Variants in KLF12 observed in about 807,000 individuals in gnomAD.
KLF12 encodes KLF transcription factor 12, also known as Krueppel-like factor 12.
In KLF12, 9 loss-of-function variants were observed where a neutral mutation model predicts 37.8. That is an observed-to-expected ratio of 0.24 (90% CI 0.14 to 0.42). The LOEUF (loss-of-function observed/expected upper bound fraction) is 0.42, where lower values mean the gene tolerates loss of function less well. Among genes scored for constraint, KLF12 ranks in the 10% least tolerant of loss-of-function variants. KLF12 has a pLI of 1.00. For missense variants in KLF12, 411 were observed against 516.0 expected (o/e 0.80, Z 1.97); for synonymous variants, 208 against 202.1 (o/e 1.03, Z -0.25).
At chr13:74,028,832 A>G (rs1893041233) in intron 1 of KLF12, among the ~76,000 whole-genome samples, 1 of 13,106 alleles carries the variant, frequency 7.6e-5, no homozygotes, top group African/African-American at 1.7e-4. Flanking sequence ...AAGAGAAAGA[A>G]TTTTCAATTT....
intron 5 of KLF12, among the ~76,000 whole-genome samples, chr13:73,775,947 AT>A (rs1880582227): frequency 6.6e-6 from 1 of 152,194 alleles, no homozygotes; most frequent in Non-Finnish European, 1.5e-5. Context: ...TTTCCTTTGA[AT>A]AGAACAAAAT....
intron 3 of KLF12, among the ~76,000 whole-genome samples, chr13:73,894,228 G>T (rs1214389905): frequency 6.6e-6 from 1 of 152,182 alleles, no homozygotes; most frequent in East Asian, 1.9e-4. Flanking sequence ...CTTCAGTAAT[G>T]ATTAGCATTT....
chr13:74,097,598 C>G (rs767350453), intron 1 of KLF12, among the ~76,000 whole-genome samples: 2 of 152,112 alleles, frequency 1.3e-5, no homozygotes, highest in Non-Finnish European at 2.9e-5. Context: ...TTACCAAATT[C>G]AGACACTGGA....
intron 3 of KLF12, among the ~76,000 whole-genome samples, chr13:73,900,597 T>C (rs971220962): frequency 2.0e-5 from 3 of 151,930 alleles, no homozygotes; most frequent in Admixed American, 6.6e-5. Flanking sequence ...ATTAAGTACA[T>C]AGAATAACTG....
At chr13:73,828,610 AAT>A (rs1476343984) in intron 4 of KLF12, among the ~76,000 whole-genome samples, 1 of 152,122 alleles carries the variant, frequency 6.6e-6, no homozygotes, top group African/African-American at 2.4e-5. Context: ...GGCTTCCTGA[AAT>A]AGTCTCCCTC....
chr13:74,104,694 AC>A (rs1354038041), intron 1 of KLF12, among the ~76,000 whole-genome samples: 8 of 152,230 alleles, frequency 5.3e-5, no homozygotes. Context: ...TCATAAATAT[AC>A]ATATAGTGCT....
the KLF12 span, among the ~76,000 whole-genome samples, chr13:74,226,495 G>A: frequency 3.3e-5 from 5 of 152,070 alleles, no homozygotes; most frequent in East Asian, 5.8e-4. Context: ...CCCATTAGGC[G>A]GTACAAAATA....
At chr13:74,142,429 A>G in the KLF12 span, among the ~76,000 whole-genome samples, 3 of 152,214 alleles carry the variant, frequency 2.0e-5, no homozygotes, top group African/African-American at 7.2e-5. Flanking sequence ...TTGCCACTTG[A>G]TTCTGTGACC....
intron 3 of KLF12, among the ~76,000 whole-genome samples, chr13:73,851,515 G>A (rs1003481242): frequency 6.6e-6 from 1 of 152,046 alleles, no homozygotes; most frequent in Non-Finnish European, 1.5e-5. Context: ...TTAACTGACT[G>A]GCCTGATTTC....
chr13:74,229,495 C>T, the KLF12 span, among the ~76,000 whole-genome samples: 13 of 152,210 alleles, frequency 8.5e-5, no homozygotes, highest in South Asian at 1.7e-3. Context: ...GCTCTGGTGA[C>T]GGTGATGCAT....
intron 5 of KLF12, among the ~76,000 whole-genome samples, chr13:73,766,318 G>T (rs968239976): frequency 6.6e-6 from 1 of 152,158 alleles, no homozygotes; most frequent in Non-Finnish European, 1.5e-5. Flanking sequence ...AGCCAAACTG[G>T]GGCCTAGTGG....
Position 73,692,862 on chromosome 13 carries a change from A to G in KLF12, c.*2628T>C, listed in dbSNP as rs1873894914. ...GACAGGTTTTATCAGTTAACTTACC[A>G]TCTCAGTCTGGTTTCCACTTTCAGA... On this transcript the variant is annotated 3_prime_UTR_variant, in exon 8 of 8. Coordinates refer to ENST00000377669, the MANE Select transcript of KLF12 (RefSeq NM_007249.5). 6.6e-6 allele frequency: 1 copy of G among 152,586 alleles called. No individual in the cohort carries two copies. Among genetic ancestry groups the G allele is most frequent in the African/African-American group, 2.4e-5 (1 of 41,448 alleles). The allele number at this position is 152,586 out of a possible 1,614,324, so 9.5% of individuals were successfully genotyped here.
At chr13:74,287,781 C>T in the KLF12 span, among the ~76,000 whole-genome samples, 7 of 152,184 alleles carry the variant, frequency 4.6e-5, no homozygotes, top group Non-Finnish European at 1.0e-4. Flanking sequence ...TCCAATTGCA[C>T]AATTTCTTTC....
At chr13:74,281,099 AT>A in the KLF12 span, among the ~76,000 whole-genome samples, 1 of 151,720 alleles carries the variant, frequency 6.6e-6, no homozygotes, top group Admixed American at 6.6e-5. Flanking sequence ...TTTTCTGCAC[AT>A]TTTTCTTTCA....
chr13:73,795,829 T>C (rs1301497251), intron 5 of KLF12, among the ~76,000 whole-genome samples: 3 of 152,152 alleles, frequency 2.0e-5, no homozygotes, highest in Non-Finnish European at 4.4e-5. Context: ...TTACAAGTAT[T>C]TATTCATAAA....
intron 2 of KLF12, among the ~76,000 whole-genome samples, chr13:73,991,339 G>A (rs1321001868): frequency 1.3e-5 from 2 of 152,268 alleles, no homozygotes; most frequent in South Asian, 2.1e-4. Context: ...CAAGTCTTAC[G>A]GATAGTAGCC....
the KLF12 span, among the ~76,000 whole-genome samples, chr13:74,168,790 G>T: frequency 6.6e-6 from 1 of 152,316 alleles, no homozygotes; most frequent in South Asian, 2.1e-4. Context: ...CAAGAAGGTG[G>T]GTTATTTTGG....
intron 3 of KLF12, among the ~76,000 whole-genome samples, chr13:73,867,608 G>GA (rs57126896): frequency 0.91 from 137,018 of 150,808 alleles, 63,158 homozygotes; most frequent in Non-Finnish European, 1. Flanking sequence ...AAGACAGGGG[G>GA]AAAAAAAAAT....
chr13:73,842,628 C>T (rs1468241625), intron 4 of KLF12, among the ~76,000 whole-genome samples: 2 of 152,210 alleles, frequency 1.3e-5, no homozygotes, highest in Non-Finnish European at 2.9e-5. Context: ...AGACCAGATA[C>T]GTTATACCAA....
Sources: gnomAD v4.1 joint callset for allele counts (sites outside exome capture counted in the v4.1 genomes callset) on GRCh38, gnomAD v4.1.1 for gene constraint, MANE v1.5 for transcripts, NCBI Gene and HGNC (gene_info 2026-07-23, HGNC 2026-07-21) for gene names.